Variants in GPR183 observed in about 807,000 individuals in gnomAD.
The protein encoded by GPR183 is G protein-coupled receptor 183.
Under a neutral mutation model 19.7 loss-of-function variants are expected in GPR183, and 9 were observed. The observed-to-expected ratio is 0.46, with a 90% CI of 0.28 to 0.80. The LOEUF (loss-of-function observed/expected upper bound fraction) is 0.80, where lower values mean the gene tolerates loss of function less well. Among genes scored for constraint, GPR183 ranks in the 30% least tolerant of loss-of-function variants. The pLI, the probability that GPR183 is intolerant of heterozygous loss-of-function variation, is 0.13. For missense variants in GPR183, 368 were observed against 446.7 expected, an observed-to-expected ratio of 0.82 and a Z score of 1.59; for synonymous variants, 160 against 155.1, an observed-to-expected ratio of 1.03 and a Z score of -0.24.
intron 1 of GPR183, among the ~76,000 whole-genome samples, chr13:99,305,149 T>G (rs2044314047): frequency 6.6e-6 from 1 of 152,230 alleles, no homozygotes; most frequent in African/African-American, 2.4e-5. Context: ...ATATCTAGAA[T>G]AGGCTTTTAT....
At position 99,296,035 on chromosome 13, in the gene GPR183, A is replaced by G. The variant is rs141030009; in HGVS notation, c.111T>C (p.His37=). ...HSTARIVMPL[H]YSLVFIIGLV... is the part of the protein sequence containing the mutation. ...GCCCAATGATGAAGACGAGGCTGTA[A>G]TGCAGAGGCATTACTATCCTGGCCG... The change falls in exon 2 of 2, where the codon CAT becomes CAC. Residue 37 remains histidine, a synonymous_variant. Coordinates refer to ENST00000376414, the MANE Select transcript of GPR183 (RefSeq NM_004951.5). 4 of 1,614,200 alleles carry G rather than the reference A, an allele frequency of 2.5e-6. No individual in the cohort carries two copies. In the African/African-American group the frequency reaches 5.3e-5, roughly 22 times the overall value.
chr13:99,300,765 C>A (rs2044246633), intron 1 of GPR183, among the ~76,000 whole-genome samples: 1 of 152,078 alleles, frequency 6.6e-6, no homozygotes, highest in South Asian at 2.1e-4. Flanking sequence ...GTGAGGTGTT[C>A]CTCAGGATTT....
intron 1 of GPR183, among the ~76,000 whole-genome samples, chr13:99,307,134 C>A (rs933819844): frequency 6.6e-6 from 1 of 152,132 alleles, no homozygotes; most frequent in African/African-American, 2.4e-5. Context: ...GTGGACCCAT[C>A]GCTTTCAGTC....
At chr13:99,300,866 T>C (rs1029525535) in intron 1 of GPR183, among the ~76,000 whole-genome samples, 1 of 152,230 alleles carries the variant, frequency 6.6e-6, no homozygotes, top group African/African-American at 2.4e-5. Context: ...AGTGTCAATA[T>C]TTGGATAGTA....
Position 99,295,432 on chromosome 13 carries a change from T to G in GPR183, c.714A>C (p.Val238=). ...TAATTGTGTTGAGAGCCTTTTTGTT[T>G]ACACCAGATTTCTCAGTGAGTGGGT... is the stretch of plus-strand genomic sequence containing the variant. ...KQNPLTEKSG[V]NKKALNTIIL... Residue 238 remains valine, a synonymous_variant, in exon 2 of 2, where the codon GTA becomes GTC. Transcript: ENST00000376414. This position sits in a 1 kb window ranked among gnomAD's most constrained non-coding sequence, Gnocchi z 4.1. 1.2e-6 allele frequency: 2 copies of G among 1,614,176 alleles called. No homozygotes were observed.
In GPR183 at chr13:99,296,055, T is replaced by C; in HGVS notation, c.91A>G (p.Arg31Gly). 1.9e-6 allele frequency: 3 copies of C among 1,613,848 alleles called. No homozygotes were observed. The highest frequency in any genetic ancestry group is 1.1e-5 in the South Asian group (1 of 91,008). ...CDLYAHHSTA[R>G]IVMPLHYSLV... The stretch of plus-strand genomic sequence containing the variant: ...CTGTAATGCAGAGGCATTACTATCC[T>C]GGCCGTGCTGTGATGTGCATAGAGG... The change falls in exon 2 of 2, where the codon AGG becomes GGG. Residue 31 changes from arginine (R) to glycine (G), a missense_variant. Transcript: ENST00000376414.
Position 99,295,693 on chromosome 13 carries a change from C to T in GPR183, c.453G>A (p.Val151=). ...KIKRIEHAKG[V]CIFVWILVFA... Reference sequence around the variant, plus strand: ...ATACTAGAATCCAGACAAATATGCACACGCCTTTTGCATGTTCAATCCTTT... The same window carrying T: ...ATACTAGAATCCAGACAAATATGCATACGCCTTTTGCATGTTCAATCCTTT... Residue 151 remains valine (V), a synonymous_variant, in exon 2 of 2, where the codon GTG becomes GTA. Coordinates refer to ENST00000376414, the MANE Select transcript of GPR183 (RefSeq NM_004951.5). This position sits in a 1 kb window ranked among gnomAD's most constrained non-coding sequence, Gnocchi z 4.1. 1.2e-6 allele frequency: 2 copies of T among 1,614,146 alleles called. No individual in the cohort carries two copies. The highest frequency in any genetic ancestry group is 1.7e-6 in the Non-Finnish European group (2 of 1,180,018).
chr13:99,299,185 GCAGAGC>G (rs2044220400), intron 1 of GPR183, among the ~76,000 whole-genome samples: 1 of 152,186 alleles, frequency 6.6e-6, no homozygotes, highest in Admixed American at 6.5e-5. Context: ...GCAGCATCTA[GCAGAGC>G]CAGAGATTGC....
chr13:99,295,648 G>C lies in GPR183; in HGVS notation c.498C>G (p.Leu166=). The C allele has an allele frequency of 6.2e-7, 1 of 1,614,132 alleles. No individual in the cohort carries two copies. The highest frequency in any genetic ancestry group is 1.3e-5 in the African/African-American group (1 of 75,020). The change falls in exon 2 of 2, where the codon CTC becomes CTG. Residue 166 remains leucine, a synonymous_variant. Coordinates refer to ENST00000376414, the MANE Select transcript of GPR183 (RefSeq NM_004951.5). This position sits in a 1 kb window ranked among gnomAD's most constrained non-coding sequence, Gnocchi z 4.1. ...WILVFAQTLP[L]LINPMSKQEA... The stretch of plus-strand genomic sequence containing the variant: ...CCTGCTTTGACATAGGGTTGATGAG[G>C]AGTGGGAGTGTCTGAGCAAATACTA...
At chr13:99,301,374 A>T (rs2044254390) in intron 1 of GPR183, among the ~76,000 whole-genome samples, 1 of 152,218 alleles carries the variant, frequency 6.6e-6, no homozygotes, top group Non-Finnish European at 1.5e-5. Flanking sequence ...AACAAAGGAG[A>T]CAATCCCAGT....
chr13:99,299,464 A>G (rs867921184), intron 1 of GPR183, among the ~76,000 whole-genome samples: 2 of 151,724 alleles, frequency 1.3e-5, no homozygotes, highest in African/African-American at 4.8e-5. Flanking sequence ...ACACACACGC[A>G]CACACACACA....
At chr13:99,299,123 T>C (rs567325084) in intron 1 of GPR183, among the ~76,000 whole-genome samples, 1 of 152,336 alleles carries the variant, frequency 6.6e-6, no homozygotes, top group South Asian at 2.1e-4. Flanking sequence ...GAGGTGCCAT[T>C]GCTTGCCAGT....
Position 99,294,912 on chromosome 13 carries a change from A to T in GPR183, c.*148T>A. On this transcript the variant is annotated 3_prime_UTR_variant, in exon 2 of 2. Transcript: ENST00000376414. ...TGCTTTATGTTGTTCTCTTGGGCTT[A>T]CTTCCGAGTTGGAGATGGGAAAGTG... 1 of 753,340 alleles carries T rather than the reference A, an allele frequency of 1.3e-6. No homozygotes were observed. Among genetic ancestry groups the T allele is most frequent in the Non-Finnish European group, 2.1e-6 (1 of 474,330 alleles). The allele number at this position is 753,340 out of a possible 1,614,324, so 46.7% of individuals were successfully genotyped here.
At position 99,295,550 on chromosome 13, in the gene GPR183, C is replaced by G; in HGVS notation, c.596G>C (p.Gly199Ala). Residue 199 changes from glycine to alanine, a missense_variant, in exon 2 of 2, where the codon GGG becomes GCG. Transcript: ENST00000376414. This position sits in a 1 kb window ranked among gnomAD's most constrained non-coding sequence, Gnocchi z 4.1. ...AAGTACATATCCTATGAAACATGCC[C>G]CAAGCAGAATCCAGGGAAGAGATTT... ...ETKSLPWILL[G>A]ACFIGYVLPL... is the part of the protein sequence containing the mutation. 1 of 1,613,766 alleles carries G rather than the reference C, an allele frequency of 6.2e-7. No individual in the cohort carries two copies. Among genetic ancestry groups the G allele is most frequent in the Non-Finnish European group, 8.5e-7 (1 of 1,179,994 alleles).
chr13:99,305,849 GCA>G (rs2044325105), intron 1 of GPR183, among the ~76,000 whole-genome samples: 1 of 152,146 alleles, frequency 6.6e-6, no homozygotes, highest in Non-Finnish European at 1.5e-5. Context: ...CTACCAGTAA[GCA>G]CAGTTAGATG....
At position 99,295,714 on chromosome 13, in the gene GPR183, C is replaced by T. The variant is rs1339182200; in HGVS notation, c.432G>A (p.Arg144=). 2 of 1,614,160 alleles carry T rather than the reference C, an allele frequency of 1.2e-6. No individual in the cohort carries two copies. Among genetic ancestry groups the T allele is most frequent in the Non-Finnish European group, 1.7e-6 (2 of 1,180,026 alleles). The part of the protein sequence containing the change: ...VHPLRYNKIK[R]IEHAKGVCIF... ...TGCACACGCCTTTTGCATGTTCAAT[C>T]CTTTTTATCTTGTTGTAGCGTAGAG... The change falls in exon 2 of 2, where the codon AGG becomes AGA. Residue 144 remains arginine, a synonymous_variant. Coordinates refer to ENST00000376414, the MANE Select transcript of GPR183 (RefSeq NM_004951.5). The surrounding 1 kb of genome is among the most constrained non-coding windows in gnomAD (Gnocchi z 4.1).
At chr13:99,303,183 G>A (rs12859788) in intron 1 of GPR183, among the ~76,000 whole-genome samples, 13,684 of 152,264 alleles carry the variant, frequency 0.09, 707 homozygotes, top group Middle Eastern at 0.14. Context: ...CAAGTACAGA[G>A]AACTTCTTCA....
rs181088395 is a variant in GPR183 at position 99,297,284 on chromosome 13, A to C, written c.-18-1121T>G. Among the ~76,000 whole-genome samples, 378 of 152,342 alleles carry C rather than the reference A, an allele frequency of 2.5e-3. 1 individual carries two copies. Among genetic ancestry groups the C allele is most frequent in the South Asian group, 4.1e-3 (20 of 4,830 alleles). Reference sequence around the variant, plus strand: ...GTGTGATTATTTTTAAAAGAAAAATAATTCCTCTGATAGAACTGTGTGTAC... The same window carrying C: ...GTGTGATTATTTTTAAAAGAAAAATCATTCCTCTGATAGAACTGTGTGTAC... On this transcript the variant is annotated intron_variant, in intron 1 of 1. Coordinates refer to ENST00000376414, the MANE Select transcript of GPR183 (RefSeq NM_004951.5).
chr13:99,295,018 G>A lies in GPR183; in HGVS notation c.*42C>T, dbSNP rs2044146517. 7 of 1,560,476 alleles carry A rather than the reference G, an allele frequency of 4.5e-6. No homozygotes were observed. The highest frequency in any genetic ancestry group is 1.4e-5 in the African/African-American group (1 of 72,882). On this transcript the variant is annotated 3_prime_UTR_variant, in exon 2 of 2. Transcript: ENST00000376414. The surrounding 1 kb of genome is among the most constrained non-coding windows in gnomAD (Gnocchi z 4.1). ...TTATAAGGGAAGTCCTGCAAAGTTT[G>A]TCATACAGTTTACGTCACTATAAAC...
Sources: gnomAD v4.1 joint callset for allele counts (sites outside exome capture counted in the v4.1 genomes callset) on GRCh38, gnomAD v4.1.1 for gene constraint, Gnocchi (gnomAD v3.1) non-coding constraint, MANE v1.5 for transcripts, NCBI Gene and HGNC (gene_info 2026-07-23, HGNC 2026-07-21) for gene names.